Variants in CCND3 observed in about 807,000 individuals in gnomAD.
The protein encoded by CCND3 is cyclin D3, also known as G1/S-specific cyclin-D3.
CCND3 carries 9 observed loss-of-function variants against 28.7 expected under a neutral mutation model. The ratio of observed to expected loss-of-function variants is 0.31; its 90% CI spans 0.19 to 0.55. CCND3 has a LOEUF of 0.55. CCND3 is among the 20% of genes least tolerant of loss of function. The probability of loss-of-function intolerance (pLI) is 0.93; values close to 1 mark genes in which losing one functional copy is unlikely to be tolerated. For missense variants in CCND3, 315 were observed against 385.8 expected (o/e 0.82, Z 1.54); for synonymous variants, 164 against 163.9 (o/e 1.00, Z 0.00).
At chr6:41,992,902 G>A (rs554046720) in intron 1 of CCND3, among the ~76,000 whole-genome samples, 1 of 151,936 alleles carries the variant, frequency 6.6e-6, no homozygotes, top group Non-Finnish European at 1.5e-5. Context: ...CTCTGTGCCT[G>A]GCCTTGTTTT....
chr6:41,965,058 C>CTT (rs56138276), intron 1 of CCND3, among the ~76,000 whole-genome samples: 2 of 82,094 alleles, frequency 2.4e-5, no homozygotes, highest in African/African-American at 1.1e-4. Context: ...TTTCACGTTG[C>CTT]TTTTTTTTTT....
Position 41,938,184 on chromosome 6 carries a change from G to A in CCND3, c.415-790C>T, listed in dbSNP as rs564240201. On this transcript the variant is annotated intron_variant, in intron 2 of 4. Transcript: ENST00000372991. This position sits in a 1 kb window ranked among gnomAD's most constrained non-coding sequence, Gnocchi z 4.6. ...AGCCTACCTGCCAGTACTAGGTCTCGGGAGAAGGCTGGGAGCTCCACCCCA... is the reference window on the plus strand; with the variant it reads ...AGCCTACCTGCCAGTACTAGGTCTCAGGAGAAGGCTGGGAGCTCCACCCCA... 9.8e-5 allele frequency: 15 copies of A among 152,418 alleles called. No individual in the cohort carries two copies. Among genetic ancestry groups the A allele is most frequent in the East Asian group, 5.8e-4 (3 of 5,182 alleles). 9.4% of individuals were successfully genotyped at this position (152,418 alleles called of 1,614,324 possible). A position where few individuals can be genotyped will look rare whatever the true frequency, so the allele number is the denominator to read the frequency against.
chr6:41,962,555 C>G (rs975147052), intron 1 of CCND3, among the ~76,000 whole-genome samples: 1 of 152,096 alleles, frequency 6.6e-6, no homozygotes, highest in Non-Finnish European at 1.5e-5. Context: ...AGTTTGAGAT[C>G]GGACTGCACA....
At chr6:42,015,453 G>A (rs1763473357) in intron 1 of CCND3, among the ~76,000 whole-genome samples, 1 of 152,186 alleles carries the variant, frequency 6.6e-6, no homozygotes, top group Non-Finnish European at 1.5e-5. Context: ...GCTCACGCCT[G>A]TAATCCCAGC....
chr6:42,031,848 G>A (rs1014672701), intron 1 of CCND3, among the ~76,000 whole-genome samples: 5 of 145,124 alleles, frequency 3.4e-5, no homozygotes, highest in Admixed American at 1.4e-4. Flanking sequence ...AGAGTGCAAC[G>A]GCGCGATCTC....
intron 1 of CCND3, chr6:42,011,088 G>A (rs960621067): frequency 1.3e-5 from 2 of 151,962 alleles, no homozygotes; most frequent in Admixed American, 6.6e-5. Context: ...ATGAATGAAT[G>A]AATGAATGAA....
chr6:41,942,076 AC>A (rs1776054721), upstream of CCND3, among the ~76,000 whole-genome samples: 1 of 152,144 alleles, frequency 6.6e-6, no homozygotes, highest in African/African-American at 2.4e-5. Context: ...GACTCTAGTC[AC>A]CCAGGAAACA....
intron 1 of CCND3, among the ~76,000 whole-genome samples, chr6:41,956,944 T>C (rs1211884424): frequency 2.0e-5 from 3 of 152,070 alleles, no homozygotes; most frequent in Non-Finnish European, 2.9e-5. Context: ...GGCAGGAGAA[T>C]GGCATGAACC....
intron 1 of CCND3, among the ~76,000 whole-genome samples, chr6:41,960,049 A>G (rs1281989707): frequency 6.6e-6 from 1 of 152,272 alleles, no homozygotes; most frequent in Non-Finnish European, 1.5e-5. Flanking sequence ...TCATTTAGCC[A>G]TAAAAAGGAG....
At chr6:42,007,136 ATTC>A (rs1317054388) in intron 1 of CCND3, among the ~76,000 whole-genome samples, 1 of 152,168 alleles carries the variant, frequency 6.6e-6, no homozygotes. Flanking sequence ...ATGCACTTAT[ATTC>A]TTTTGTGTAT....
chr6:41,945,997 G>T (rs539102990), upstream of CCND3, among the ~76,000 whole-genome samples: 1 of 152,246 alleles, frequency 6.6e-6, no homozygotes, highest in African/African-American at 2.4e-5. Context: ...TCCTAGAATT[G>T]CATCTCTAGC....
chr6:41,965,241 T>C (rs1359582166), intron 1 of CCND3, among the ~76,000 whole-genome samples: 2 of 151,992 alleles, frequency 1.3e-5, no homozygotes, highest in Admixed American at 1.3e-4. Flanking sequence ...GGCTAATTTT[T>C]GTATTTTTAG....
At chr6:41,977,469 CG>C (rs1762216366) in intron 1 of CCND3, among the ~76,000 whole-genome samples, 2 of 152,070 alleles carry the variant, frequency 1.3e-5, no homozygotes, top group African/African-American at 2.4e-5. Flanking sequence ...CAGGTTCAGG[CG>C]ATTCTCCTGC....
At chr6:42,002,736 C>T (rs752873063) in intron 1 of CCND3, among the ~76,000 whole-genome samples, 27 of 151,672 alleles carry the variant, frequency 1.8e-4, no homozygotes, top group Non-Finnish European at 3.5e-4. Context: ...CACCTGTGGT[C>T]CCAGCTACTC....
At chr6:41,957,159 A>T (rs1363984644) in intron 1 of CCND3, among the ~76,000 whole-genome samples, 2 of 152,250 alleles carry the variant, frequency 1.3e-5, no homozygotes, top group East Asian at 1.9e-4. Flanking sequence ...GGCTGGGCCT[A>T]TATTACTGTT....
At position 41,965,061 on chromosome 6, in the gene CCND3, T is replaced by C. The variant is rs1761848574; in HGVS notation, c.-45-24476A>G. On this transcript the variant is annotated intron_variant, in intron 1 of 4. Coordinates refer to the CCND3 transcript ENST00000372988. ...AAATGTTCTCTATTTCACGTTGCTTTTTTTTTTTTTTTTTTTTTTTTTTTT... is the reference window on the plus strand; with the variant it reads ...AAATGTTCTCTATTTCACGTTGCTTCTTTTTTTTTTTTTTTTTTTTTTTTT... Among the ~76,000 whole-genome samples, 5 of 7,358 alleles carry C rather than the reference T, an allele frequency of 6.8e-4. No homozygotes were observed. In the Non-Finnish European group the frequency reaches 7.5e-3, roughly 11 times the overall value. The allele number at this position is 7,358 out of a possible 152,430, so 4.8% of individuals were successfully genotyped here.
intron 1 of CCND3, among the ~76,000 whole-genome samples, chr6:42,027,406 C>T (rs1463113909): frequency 6.6e-6 from 1 of 150,830 alleles, no homozygotes; most frequent in Non-Finnish European, 1.5e-5. Context: ...CGCCACTGCA[C>T]TCCAGCCTGA....
At chr6:41,969,980 A>T (rs1761991841) in intron 1 of CCND3, among the ~76,000 whole-genome samples, 1 of 151,868 alleles carries the variant, frequency 6.6e-6, no homozygotes, top group African/African-American at 2.4e-5. Context: ...GCTTAGCTGG[A>T]ACTGCTTAAG....
Position 41,941,357 on chromosome 6 carries a change from G to T in CCND3, c.198+95C>A. 1 of 1,542,482 alleles carries T rather than the reference G, an allele frequency of 6.5e-7. No individual in the cohort carries two copies. Among genetic ancestry groups the T allele is most frequent in the Admixed American group, 2.3e-5 (1 of 44,038 alleles). On this transcript the variant is annotated intron_variant, in intron 1 of 4. Coordinates refer to ENST00000372991, the MANE Select transcript of CCND3 (RefSeq NM_001760.5). The surrounding 1 kb of genome is among the most constrained non-coding windows in gnomAD (Gnocchi z 6.1). ...GGGAGTCTTAGCCTCGGAGCATCCT[G>T]CAGATTGCTGTGGGGACCGGGATGT...
Sources: gnomAD v4.1 joint callset for allele counts (sites outside exome capture counted in the v4.1 genomes callset) on GRCh38, gnomAD v4.1.1 for gene constraint, Gnocchi (gnomAD v3.1) non-coding constraint, MANE v1.5 for transcripts, NCBI Gene and HGNC (gene_info 2026-07-23, HGNC 2026-07-21) for gene names.